The following RGPD2 variants were observed in gnomAD, a reference collection of about 807,000 sequenced individuals.
RGPD2 encodes RANBP2 like and GRIP domain containing 2.
Under a neutral mutation model 36.0 loss-of-function variants are expected in RGPD2, and 2 were observed. The observed-to-expected ratio is 0.06, with a 90% CI of 0.02 to 0.17. The LOEUF (loss-of-function observed/expected upper bound fraction) is 0.17. Among genes scored for constraint, RGPD2 ranks in the 10% least tolerant of loss-of-function variants. The pLI, the probability that RGPD2 is intolerant of heterozygous loss-of-function variation, is 1.00. For synonymous variants in RGPD2, 19 were observed against 163.8 expected, an observed-to-expected ratio of 0.12 and a Z score of 6.75; for missense variants, 40 against 464.3, an observed-to-expected ratio of 0.09 and a Z score of 8.40.
chr2:87,825,142 A>T, intron 1 of RGPD2: 1 of 388,216 alleles, frequency 2.6e-6, no homozygotes, highest in Non-Finnish European at 4.5e-6. Context: ...TGCCCCCACA[A>T]TCCTAGGTCT....
the RGPD2 span, among the ~76,000 whole-genome samples, chr2:87,881,969 AT>A: frequency 1.3e-5 from 2 of 151,940 alleles, no homozygotes; most frequent in African/African-American, 2.4e-5. Flanking sequence ...GAGAGCAGGC[AT>A]TTCACGTGGC....
chr2:87,962,731 A>G, the RGPD2 span, among the ~76,000 whole-genome samples: 1 of 152,074 alleles, frequency 6.6e-6, no homozygotes, highest in Admixed American at 6.5e-5. Context: ...AGGGGGAAAC[A>G]TCCCTTTAGC....
chr2:87,957,810 T>C, the RGPD2 span, among the ~76,000 whole-genome samples: 1 of 152,302 alleles, frequency 6.6e-6, no homozygotes, highest in Admixed American at 6.5e-5. Context: ...TAGGAGGCTA[T>C]AAAAACAGCT....
the RGPD2 span, among the ~76,000 whole-genome samples, chr2:87,847,721 T>A: frequency 6.7e-6 from 1 of 149,040 alleles, no homozygotes; most frequent in Non-Finnish European, 1.5e-5. Context: ...ATGGTCTCGA[T>A]CTCTTGATCT....
chr2:87,973,528 A>G, the RGPD2 span, among the ~76,000 whole-genome samples: 1 of 138,418 alleles, frequency 7.2e-6, no homozygotes, highest in East Asian at 2.0e-4. Context: ...AAACAGCCCT[A>G]GTCCCAACTC....
chr2:87,970,362 A>G, the RGPD2 span, among the ~76,000 whole-genome samples: 2 of 151,420 alleles, frequency 1.3e-5, no homozygotes, highest in Non-Finnish European at 3.0e-5. Flanking sequence ...TTAGAGGAAG[A>G]AAGTTCCTCC....
At chr2:87,960,210 C>T in the RGPD2 span, among the ~76,000 whole-genome samples, 1 of 151,736 alleles carries the variant, frequency 6.6e-6, no homozygotes, top group South Asian at 2.1e-4. Flanking sequence ...GTCTTCCTCA[C>T]CAGCCCATTA....
the RGPD2 span, among the ~76,000 whole-genome samples, chr2:87,975,059 T>A: frequency 6.6e-6 from 1 of 152,174 alleles, no homozygotes; most frequent in Non-Finnish European, 1.5e-5. Context: ...ATTCTCTTAT[T>A]ATTCTCTGGC....
At chr2:87,780,455 CT>C (rs1685349913) in intron 20 of RGPD2, among the ~76,000 whole-genome samples, 2 of 146,234 alleles carry the variant, frequency 1.4e-5, no homozygotes, top group Non-Finnish European at 1.5e-5. Context: ...TAAGTTAACA[CT>C]TTTCACATTT....
the RGPD2 span, among the ~76,000 whole-genome samples, chr2:87,843,997 G>T: frequency 6.6e-6 from 1 of 151,410 alleles, no homozygotes; most frequent in Non-Finnish European, 1.5e-5. Context: ...TCACTCATAG[G>T]TGGGAATTGA....
chr2:87,868,672 G>A, the RGPD2 span, among the ~76,000 whole-genome samples: 4 of 151,962 alleles, frequency 2.6e-5, no homozygotes, highest in Non-Finnish European at 2.9e-5. Flanking sequence ...CCACAAAAAC[G>A]GCAAACATAC....
chr2:87,882,358 C>G, the RGPD2 span, among the ~76,000 whole-genome samples: 1 of 152,188 alleles, frequency 6.6e-6, no homozygotes, highest in Non-Finnish European at 1.5e-5. Context: ...TAGAGATTAT[C>G]CTTTCTCCAA....
chr2:87,934,334 A>T, the RGPD2 span, among the ~76,000 whole-genome samples: 1 of 146,210 alleles, frequency 6.8e-6, no homozygotes, highest in East Asian at 2.0e-4. Flanking sequence ...ATATGTTGAA[A>T]ATGTCTTTTC....
the RGPD2 span, among the ~76,000 whole-genome samples, chr2:87,974,054 G>T: frequency 6.6e-6 from 1 of 151,910 alleles, no homozygotes; most frequent in Admixed American, 6.6e-5. Flanking sequence ...ATGCACAAGA[G>T]AACAGAGTTC....
the RGPD2 span, among the ~76,000 whole-genome samples, chr2:87,984,231 G>T: frequency 6.6e-6 from 1 of 152,148 alleles, no homozygotes; most frequent in Non-Finnish European, 1.5e-5. Context: ...GGTGAAATGG[G>T]CGCTTTTAAA....
the RGPD2 span, among the ~76,000 whole-genome samples, chr2:87,954,046 TAACA>T: frequency 5.6e-5 from 5 of 89,942 alleles, no homozygotes; most frequent in Admixed American, 6.7e-4. Context: ...AGCAGCTATC[TAACA>T]TTTTGTTAAT....
the RGPD2 span, among the ~76,000 whole-genome samples, chr2:87,861,057 G>T: frequency 2.7e-5 from 4 of 150,372 alleles, no homozygotes; most frequent in Non-Finnish European, 4.4e-5. Flanking sequence ...GCATAATTTT[G>T]TTTTTTTCTT....
the RGPD2 span, among the ~76,000 whole-genome samples, chr2:87,966,176 G>T: frequency 6.6e-6 from 1 of 152,214 alleles, no homozygotes; most frequent in African/African-American, 2.4e-5. Flanking sequence ...CATCATTCTG[G>T]TTATTCTTGT....
At chr2:87,825,556 AGGTCGAGGCCGCCG>A in intron 1 of RGPD2, 88 bp downstream of exon 1, 1 of 839,622 alleles carries the variant, frequency 1.2e-6, no homozygotes, top group African/African-American at 2.9e-5. Flanking sequence ...CCGCCCGGCC[AGGTCGAGGCCGCCG>A]CCCGGCCAGG....
Sources: gnomAD v4.1 joint callset for allele counts (sites outside exome capture counted in the v4.1 genomes callset) on GRCh38, gnomAD v4.1.1 for gene constraint, MANE v1.5 for transcripts, NCBI Gene and HGNC (gene_info 2026-07-23, HGNC 2026-07-21) for gene names.